CORO7: variants seen among roughly 807,000 people sequenced by gnomAD.
CORO7 encodes the protein coronin-7.
Under a neutral mutation model 126.6 loss-of-function variants are expected in CORO7, and 107 were observed. The ratio of observed to expected loss-of-function variants is 0.85; its 90% CI spans 0.72 to 0.99. The LOEUF (loss-of-function observed/expected upper bound fraction) is 0.99, where lower values mean the gene tolerates loss of function less well. Among genes scored for constraint, CORO7 ranks in the 50% least tolerant of loss-of-function variants. The pLI is 0.00. For missense variants in CORO7, 1,314 were observed against 1,255.8 expected (o/e 1.05, Z -0.70); for synonymous variants, 603 against 536.8 (o/e 1.12, Z -1.70).
rs1384136549 is a variant in CORO7, at chr16:4,405,507, A to C, written c.548T>G (p.Val183Gly). 1 of 1,612,722 alleles carries C rather than the reference A, an allele frequency of 6.2e-7. No homozygotes were observed. The change falls in exon 6 of 28, where the codon GTG becomes GGG. Residue 183 changes from valine (V) to glycine (G), a missense_variant. Val to Gly is a moderately radical substitution (Grantham distance 109). Transcript: ENST00000251166. ...SAVWSRDGAL[V>G]GTACKDKQLR... Reference sequence around the variant, plus strand: ...CCTGCTCACCTTGCACGCCGTGCCCACCAGGGCTCCATCTCGGCTCCAGAC... The same window carrying C: ...CCTGCTCACCTTGCACGCCGTGCCCCCCAGGGCTCCATCTCGGCTCCAGAC...
chr16:4,397,073 T>TAA (rs1224397191), intron 6 of CORO7, among the ~76,000 whole-genome samples: 13 of 140,518 alleles, frequency 9.3e-5, no homozygotes, highest in African/African-American at 3.4e-4. Flanking sequence ...CCAGTACAGA[T>TAA]AAAAAAAACT....
chr16:4,388,402 AC>A, intron 8 of CORO7, 142 bp downstream of exon 8: 1 of 914,556 alleles, frequency 1.1e-6, no homozygotes, highest in South Asian at 1.7e-5. Flanking sequence ...AGGCTCTGAG[AC>A]CCGGCAGCAC....
At chr16:4,401,911 C>CTTTT (rs58167321) in intron 6 of CORO7, among the ~76,000 whole-genome samples, 5 of 139,882 alleles carry the variant, frequency 3.6e-5, no homozygotes, top group African/African-American at 1.3e-4. Flanking sequence ...TCTTTTTTTC[C>CTTTT]TTTTTTTTTT....
intron 1 of CORO7, chr16:4,415,791 G>C (rs769835964): frequency 3.0e-6 from 3 of 985,472 alleles, no homozygotes; most frequent in Non-Finnish European, 3.6e-6. Flanking sequence ...CTGCCGTTTC[G>C]GGGGTCCGAA....
chr16:4,366,544 T>TC (rs1465512987), intron 9 of CORO7, among the ~76,000 whole-genome samples: 1 of 149,240 alleles, frequency 6.7e-6, no homozygotes, highest in Admixed American at 6.6e-5. Flanking sequence ...GCTTTTTTTT[T>TC]TTTTTTTTTT....
intron 9 of CORO7, among the ~76,000 whole-genome samples, chr16:4,373,882 TCCCTGACCACTGGCCAG>T (rs1454925792): frequency 1.3e-5 from 2 of 151,956 alleles, no homozygotes; most frequent in Non-Finnish European, 1.5e-5. Context: ...GGGATGGCTA[TCCCTGACCACTGGCCAG>T]CCCTGAGCTC....
chr16:4,405,696 G>C (rs186949168), intron 5 of CORO7, 129 bp from the exon 6 acceptor site: 1 of 1,102,304 alleles, frequency 9.1e-7, no homozygotes, highest in East Asian at 2.7e-5. Flanking sequence ...CAGCCAAGGG[G>C]GCAAGGGCAG....
At chr16:4,383,198 C>T (rs569017239) in intron 9 of CORO7, 11 of 374,184 alleles carry the variant, frequency 2.9e-5, no homozygotes, top group South Asian at 1.0e-4. Flanking sequence ...GTGCTGGTAA[C>T]GCATGCCTGG....
Position 4,359,309 on chromosome 16 carries a change from G to A in CORO7, c.2327C>T (p.Pro776Leu). The A allele has an allele frequency of 6.2e-7, 1 of 1,608,284 alleles. No homozygotes were observed. The highest frequency in any genetic ancestry group is 8.5e-7 in the Non-Finnish European group (1 of 1,177,982). ...GGGTGGCCTCACCTTGTGGGGGTCA[G>A]GCGACGTGAAGCTGTTGCACTCCAG... is the stretch of plus-strand genomic sequence containing the variant. The part of the protein sequence containing the change: ...FFLECNSFTS[P>L]DPHKGLVLLP... The change falls in exon 23 of 28, where the codon CCT (proline) becomes CTT (leucine). Residue 776 changes from proline to leucine, a missense_variant. Physicochemically the swap from Pro to Leu is moderately conservative, Grantham distance 98. Transcript: ENST00000251166.
rs764429150 is a variant in CORO7 at position 4,407,630 on chromosome 16, C to G, written c.358G>C (p.Val120Leu). 2 of 1,608,298 alleles carry G rather than the reference C, an allele frequency of 1.2e-6. No individual in the cohort carries two copies. The highest frequency in any genetic ancestry group is 3.3e-4 in the Middle Eastern group (2 of 6,044). The stretch of plus-strand genomic sequence containing the variant: ...GGGAGGTCCTCGGGGCCCAGCACCA[C>G]CCCGGGTGCTGAGGGCAGGGCCTGG... ...PGQALPSAPG[V>L]VLGPEDLPVE... The change falls in exon 5 of 28, where the codon GTG becomes CTG. Residue 120 changes from valine (V) to leucine (L), a missense_variant. Coordinates refer to ENST00000251166, the MANE Select transcript of CORO7 (RefSeq NM_024535.5).
chr16:4,408,923 A>G (rs2056106562), intron 3 of CORO7, among the ~76,000 whole-genome samples: 1 of 152,182 alleles, frequency 6.6e-6, no homozygotes, highest in Non-Finnish European at 1.5e-5. Flanking sequence ...AGATCACACC[A>G]CTGCATTCCA....
At chr16:4,396,382 A>G (rs1487496733) in intron 6 of CORO7, among the ~76,000 whole-genome samples, 1 of 152,166 alleles carries the variant, frequency 6.6e-6, no homozygotes, top group African/African-American at 2.4e-5. Flanking sequence ...TTTGGCCATA[A>G]TAAATTAAGT....
Position 4,381,025 on chromosome 16 carries a change from G to A in CORO7, c.785+6961C>T, listed in dbSNP as rs140274177. ...CCAGGGGACCACGGTGCCCCGAGAC[G>A]TGCCACCCGACACGGTGGGGCTGTA... is the stretch of plus-strand genomic sequence containing the variant. On this transcript the variant is annotated intron_variant, in intron 9 of 27. Transcript: ENST00000251166. The A allele has an allele frequency of 2.2e-5, 35 of 1,609,992 alleles. No individual in the cohort carries two copies. Among genetic ancestry groups the A allele is most frequent in the South Asian group, 1.5e-4 (14 of 90,630 alleles).
intron 14 of CORO7, chr16:4,363,045 T>G (rs983725331): frequency 3.4e-6 from 1 of 293,876 alleles, no homozygotes; most frequent in African/African-American, 2.2e-5. Flanking sequence ...TGTATGAAAA[T>G]TCTTGCTTTT....
intron 6 of CORO7, among the ~76,000 whole-genome samples, chr16:4,402,189 TGGCCTCCC>T (rs2055834868): frequency 6.6e-6 from 1 of 152,054 alleles, no homozygotes; most frequent in Non-Finnish European, 1.5e-5. Context: ...TCCGCCTGCT[TGGCCTCCC>T]AAAGTGCTGG....
chr16:4,401,182 G>A (rs1357127876), intron 6 of CORO7, among the ~76,000 whole-genome samples: 1 of 152,230 alleles, frequency 6.6e-6, no homozygotes, highest in Admixed American at 6.5e-5. Context: ...GACAAACAGA[G>A]CTTGTGCTGG....
intron 6 of CORO7, among the ~76,000 whole-genome samples, chr16:4,404,209 T>G (rs2055913560): frequency 6.6e-6 from 1 of 152,330 alleles, no homozygotes; most frequent in Admixed American, 6.5e-5. Flanking sequence ...TGCTAGCTCC[T>G]GTTCGGCTCC....
intron 6 of CORO7, among the ~76,000 whole-genome samples, chr16:4,402,499 G>A (rs1006905872): frequency 1.3e-4 from 20 of 152,060 alleles, no homozygotes; most frequent in African/African-American, 3.9e-4. Context: ...CTCCCACCTC[G>A]TCCTCCCAAA....
chr16:4,416,596 T>C lies in CORO7; in HGVS notation c.-78A>G. On this transcript the variant is annotated 5_prime_UTR_variant, in exon 1 of 28. Coordinates refer to ENST00000251166, the MANE Select transcript of CORO7 (RefSeq NM_024535.5). The stretch of plus-strand genomic sequence containing the variant: ...CAGGTGCACGCTGAGCAACCGCGAC[T>C]CCCGCTGCCTCGGCCCCACCCGGGA... 1 of 1,527,196 alleles carries C rather than the reference T, an allele frequency of 6.5e-7. No individual in the cohort carries two copies. The highest frequency in any genetic ancestry group is 8.7e-7 in the Non-Finnish European group (1 of 1,143,948). The allele number at this position is 1,527,196 out of a possible 1,614,324, so 94.6% of individuals were successfully genotyped here.
Sources: gnomAD v4.1 joint callset for allele counts (sites outside exome capture counted in the v4.1 genomes callset) on GRCh38, gnomAD v4.1.1 for gene constraint, MANE v1.5 for transcripts, NCBI Gene and HGNC (gene_info 2026-07-23, HGNC 2026-07-21) for gene names.